ATXN1: variants seen among roughly 807,000 people sequenced by gnomAD.
ATXN1 encodes the protein ataxin 1.
In ATXN1, 8 loss-of-function variants were observed where a neutral mutation model predicts 56.4. The observed-to-expected ratio is 0.14, with a 90% confidence interval of 0.08 to 0.26. The LOEUF (loss-of-function observed/expected upper bound fraction) is 0.26. Ranked by LOEUF, ATXN1 falls within the 10% of genes least tolerant of loss-of-function variation. The pLI, the probability that ATXN1 is intolerant of heterozygous loss-of-function variation, is 1.00. For synonymous variants in ATXN1, 514 were observed against 494.6 expected (o/e 1.04, Z -0.52); for missense variants, 987 against 1,106.5 (o/e 0.89, Z 1.53).
intron 4 of ATXN1, among the ~76,000 whole-genome samples, chr6:16,549,426 T>A (rs1408617193): frequency 6.6e-6 from 1 of 152,212 alleles, no homozygotes; most frequent in East Asian, 1.9e-4. Context: ...TATAATCTTA[T>A]GGGACTATCA....
rs777409809 is a variant in ATXN1 at position 16,303,915 on chromosome 6, G to A, written c.*2414C>T. 6 of 152,648 alleles carry A rather than the reference G, an allele frequency of 3.9e-5. No homozygotes were observed. Among genetic ancestry groups the A allele is most frequent in the Non-Finnish European group, 8.8e-5 (6 of 68,052 alleles). 9.5% of individuals were successfully genotyped at this position (152,648 alleles called of 1,614,324 possible). A position where few individuals can be genotyped will look rare whatever the true frequency, so the allele number is the denominator to read the frequency against. On this transcript the variant is annotated 3_prime_UTR_variant, in exon 8 of 8. Transcript: ENST00000436367. The surrounding 1 kb of genome is among the most constrained non-coding windows in gnomAD (Gnocchi z 4.3). ...GCAGAATATATGGAAGATTAAGCAA[G>A]TTCTCTGAACAGAAACGTTTAAAAA...
At chr6:16,311,120 G>C (rs761777825) in intron 7 of ATXN1, among the ~76,000 whole-genome samples, 7 of 152,140 alleles carry the variant, frequency 4.6e-5, no homozygotes, top group Non-Finnish European at 7.4e-5. Context: ...AAAAGTTTTT[G>C]AGTGCCTACT....
At chr6:16,610,708 G>C (rs1439686890) in intron 3 of ATXN1, among the ~76,000 whole-genome samples, 1 of 152,132 alleles carries the variant, frequency 6.6e-6, no homozygotes, top group East Asian at 1.9e-4. Flanking sequence ...AAAAGGGGTA[G>C]TTGTGCTTTA....
intron 6 of ATXN1, among the ~76,000 whole-genome samples, chr6:16,430,383 A>G (rs904773679): frequency 3.9e-5 from 6 of 152,104 alleles, no homozygotes; most frequent in African/African-American, 1.2e-4. Flanking sequence ...TACTGCGACC[A>G]CTAGTTATTA....
At chr6:16,345,001 TGGGTTTCTA>T (rs1561860369) in intron 6 of ATXN1, among the ~76,000 whole-genome samples, 1 of 152,208 alleles carries the variant, frequency 6.6e-6, no homozygotes, top group Non-Finnish European at 1.5e-5. Context: ...CACAACCCCT[TGGGTTTCTA>T]GGGTGCTGTC....
intron 2 of ATXN1, among the ~76,000 whole-genome samples, chr6:16,726,215 T>C (rs1156309470): frequency 1.3e-5 from 2 of 151,848 alleles, no homozygotes; most frequent in Non-Finnish European, 2.9e-5. Flanking sequence ...ACCCCATCTC[T>C]ACTAAAATAC....
chr6:16,713,959 A>T lies in ATXN1; in HGVS notation c.-615+39274T>A, dbSNP rs9396706. 5.5e-3 allele frequency among the ~76,000 whole-genome samples: 841 copies of T among 152,282 alleles called. 28 individuals are homozygous for T. In the East Asian group the frequency reaches 0.11, roughly 19 times the overall value. ...GATCACATGAGGCCAGAAGTTTGAG[A>T]CCAGCCTGGCCAACATGTGAAATCT... On this transcript the variant is annotated intron_variant, in intron 2 of 7. Transcript: ENST00000436367.
chr6:16,556,383 G>C (rs568827496), intron 4 of ATXN1, among the ~76,000 whole-genome samples: 144 of 152,138 alleles, frequency 9.5e-4, no homozygotes, highest in Non-Finnish European at 1.7e-3. Context: ...TAGCTTCTTA[G>C]TCTTTTTACT....
chr6:16,381,088 G>A (rs547162176), intron 6 of ATXN1, among the ~76,000 whole-genome samples: 11 of 152,238 alleles, frequency 7.2e-5, no homozygotes, highest in African/African-American at 2.6e-4. Context: ...TCAGGAGTTC[G>A]AGACCAGTCT....
rs76063370 is a variant in ATXN1 at position 16,716,409 on chromosome 6, G to A, written c.-615+36824C>T. Among the ~76,000 whole-genome samples, 698 of 152,262 alleles carry A rather than the reference G, an allele frequency of 4.6e-3. 8 individuals are homozygous for A. Among genetic ancestry groups the A allele is most frequent in the African/African-American group, 0.016 (674 of 41,554 alleles). On this transcript the variant is annotated intron_variant, in intron 2 of 7. Transcript: ENST00000436367. ...ATCTGTAAACCAGAAAACTCACAAC[G>A]TCCTCCAAAAGTAGAAGACAAATAC...
intron 2 of ATXN1, among the ~76,000 whole-genome samples, chr6:16,717,691 G>A (rs1286456563): frequency 6.6e-6 from 1 of 152,134 alleles, no homozygotes; most frequent in Non-Finnish European, 1.5e-5. Flanking sequence ...TGGGTCTGAG[G>A]ATATGCTGGC....
chr6:16,496,909 T>C (rs1442287068), intron 5 of ATXN1, among the ~76,000 whole-genome samples: 2 of 152,188 alleles, frequency 1.3e-5, no homozygotes, highest in Non-Finnish European at 2.9e-5. Flanking sequence ...TCCTCCTTCA[T>C]CTTGCAGATT....
intron 4 of ATXN1, among the ~76,000 whole-genome samples, chr6:16,540,215 A>C (rs944444360): frequency 6.6e-6 from 1 of 152,118 alleles, no homozygotes; most frequent in Non-Finnish European, 1.5e-5. Flanking sequence ...CTTAATTATT[A>C]TTATAATTAT....
At chr6:16,411,882 G>A (rs916721012) in intron 6 of ATXN1, among the ~76,000 whole-genome samples, 1 of 152,116 alleles carries the variant, frequency 6.6e-6, no homozygotes, top group African/African-American at 2.4e-5. Context: ...TGTTTAAGTT[G>A]TTCTTATTAA....
intron 6 of ATXN1, among the ~76,000 whole-genome samples, chr6:16,457,410 G>GT (rs906245784): frequency 6.6e-6 from 1 of 151,924 alleles, no homozygotes; most frequent in African/African-American, 2.4e-5. Flanking sequence ...ACTGCAGGCG[G>GT]TTTTTTCTTT....
rs1473520595 is a variant in ATXN1, at chr6:16,301,888, A to C, written c.*4441T>G. 1 of 152,782 alleles carries C rather than the reference A, an allele frequency of 6.5e-6. No homozygotes were observed. The highest frequency in any genetic ancestry group is 6.5e-5 in the Admixed American group (1 of 15,288). 9.5% of individuals were successfully genotyped at this position (152,782 alleles called of 1,614,324 possible). On this transcript the variant is annotated 3_prime_UTR_variant, in exon 8 of 8. Transcript: ENST00000436367. Reference sequence around the variant, plus strand: ...TTGGAGATTTTTCTCTCTATGAAAGAAATAGGTTTCCTTAGTAGTCACAGA... The same window carrying C: ...TTGGAGATTTTTCTCTCTATGAAAGCAATAGGTTTCCTTAGTAGTCACAGA...
intron 6 of ATXN1, among the ~76,000 whole-genome samples, chr6:16,352,509 T>C (rs1343257058): frequency 6.6e-6 from 1 of 152,126 alleles, no homozygotes; most frequent in Non-Finnish European, 1.5e-5. Context: ...CGACAGAGCA[T>C]CACACGAGGC....
intron 2 of ATXN1, among the ~76,000 whole-genome samples, chr6:16,686,587 G>A (rs1022551903): frequency 1.2e-4 from 18 of 152,134 alleles, no homozygotes; most frequent in South Asian, 2.1e-4. Context: ...TTGACCACTC[G>A]AGCTACTCAG....
At chr6:16,399,967 C>T (rs1329874531) in intron 6 of ATXN1, among the ~76,000 whole-genome samples, 1 of 152,176 alleles carries the variant, frequency 6.6e-6, no homozygotes. Flanking sequence ...TTGACCTAAA[C>T]GCTAGCCTCA....
Sources: allele counts gnomAD v4.1 joint callset (sites outside exome capture counted in the v4.1 genomes callset), GRCh38; gene constraint gnomAD v4.1.1; non-coding constraint Gnocchi (gnomAD v3.1); transcripts MANE v1.5; gene names NCBI Gene and HGNC (gene_info 2026-07-23, HGNC 2026-07-21).